The following SWT1 variants were observed in gnomAD, a reference collection of about 807,000 sequenced individuals.
SWT1 encodes SWT1 RNA endoribonuclease homolog.
In SWT1, 33 loss-of-function variants were observed where a neutral mutation model predicts 107.3. That is an observed-to-expected ratio of 0.31 (90% CI 0.23 to 0.41). SWT1 has a LOEUF of 0.41. SWT1 is among the 10% of genes least tolerant of loss of function. The probability of loss-of-function intolerance (pLI) is 1.00; values close to 1 mark genes in which losing one functional copy is unlikely to be tolerated. For missense variants in SWT1, 898 were observed against 1,028.9 expected, an observed-to-expected ratio of 0.87 and a Z score of 1.74; for synonymous variants, 345 against 348.3, an observed-to-expected ratio of 0.99 and a Z score of 0.11.
intron 13 of SWT1, among the ~76,000 whole-genome samples, chr1:185,207,828 G>A (rs1658459415): frequency 1.3e-5 from 2 of 152,186 alleles, no homozygotes; most frequent in South Asian, 4.1e-4. Flanking sequence ...CTGAGCCTGA[G>A]AGGTAGAGGT....
At chr1:185,209,215 G>T (rs1571508361) in intron 13 of SWT1, among the ~76,000 whole-genome samples, 1 of 151,774 alleles carries the variant, frequency 6.6e-6, no homozygotes, top group African/African-American at 2.4e-5. Flanking sequence ...CCTGGCTCCA[G>T]TTTCTTATTT....
At chr1:185,228,424 A>C (rs1159804091) in intron 15 of SWT1, among the ~76,000 whole-genome samples, 1 of 151,834 alleles carries the variant, frequency 6.6e-6, no homozygotes, top group Admixed American at 6.6e-5. Flanking sequence ...CGGGAGGCTG[A>C]GGTGAGAGAA....
intron 16 of SWT1, among the ~76,000 whole-genome samples, chr1:185,261,825 T>G (rs1663038678): frequency 6.6e-6 from 1 of 152,250 alleles, no homozygotes; most frequent in South Asian, 2.1e-4. Flanking sequence ...AGGATTTTTC[T>G]TATGCTTCAA....
rs564329491 is a variant in SWT1, at chr1:185,191,238, CCTT to C, written c.1523+599_1523+601del. 1.4e-4 allele frequency among the ~76,000 whole-genome samples: 22 copies of C among 152,274 alleles called. No homozygotes were observed. The East Asian group carries it at 3.9e-3, about 27-fold the overall frequency. ...TAAGATCTCAGTAAGTTTTCTCCCT[CCTT>C]CTCCCTTCCCCCTGCTTCTTCCCTC... On this transcript the variant is annotated intron_variant, in intron 10 of 18. Coordinates refer to ENST00000367500, the MANE Select transcript of SWT1 (RefSeq NM_017673.7).
chr1:185,274,090 C>T (rs1212743345), intron 17 of SWT1, among the ~76,000 whole-genome samples: 1 of 151,746 alleles, frequency 6.6e-6, no homozygotes, highest in Non-Finnish European at 1.5e-5. Flanking sequence ...TTAGTACTTT[C>T]TATTGCCAAG....
intron 9 of SWT1, among the ~76,000 whole-genome samples, chr1:185,189,537 A>T (rs1411897170): frequency 6.6e-6 from 1 of 152,190 alleles, no homozygotes; most frequent in African/African-American, 2.4e-5. Context: ...TAAGCTGAGA[A>T]AATGTTAAGT....
intron 16 of SWT1, among the ~76,000 whole-genome samples, chr1:185,247,056 T>C (rs1343394291): frequency 6.6e-6 from 1 of 152,232 alleles, no homozygotes; most frequent in Non-Finnish European, 1.5e-5. Flanking sequence ...TGCCTTATTA[T>C]TATTACCTTC....
chr1:185,162,249 C>T (rs966116562), intron 2 of SWT1, among the ~76,000 whole-genome samples: 7 of 152,114 alleles, frequency 4.6e-5, no homozygotes, highest in South Asian at 2.1e-4. Flanking sequence ...TTTTTCTTTC[C>T]GTAACTCCTA....
intron 2 of SWT1, among the ~76,000 whole-genome samples, chr1:185,165,161 A>G (rs1408196323): frequency 6.6e-6 from 1 of 152,184 alleles, no homozygotes; most frequent in East Asian, 1.9e-4. Context: ...CACATGCAAC[A>G]TTTATCAGTG....
chr1:185,219,831 A>G (rs1289013724), intron 14 of SWT1, among the ~76,000 whole-genome samples: 4 of 151,876 alleles, frequency 2.6e-5, no homozygotes, highest in South Asian at 2.1e-4. Flanking sequence ...TCAACTACCA[A>G]ACTTCTTAAA....
chr1:185,205,150 T>G (rs182075196), intron 12 of SWT1, among the ~76,000 whole-genome samples: 26 of 152,264 alleles, frequency 1.7e-4, no homozygotes, highest in African/African-American at 6.0e-4. Context: ...GAAAAAAAAC[T>G]TGTCTATTTA....
chr1:185,274,671 A>G (rs930033736), intron 17 of SWT1, among the ~76,000 whole-genome samples: 1 of 152,212 alleles, frequency 6.6e-6, no homozygotes, highest in African/African-American at 2.4e-5. Flanking sequence ...TGTAAGTAGT[A>G]CAGCTAAAAG....
At chr1:185,182,081 A>G (rs1163939898) in intron 7 of SWT1, 24 bp downstream of exon 7, 12 of 1,581,740 alleles carry the variant, frequency 7.6e-6, no homozygotes, top group Middle Eastern at 1.7e-4. Flanking sequence ...GTTGATGTGT[A>G]TGCTCCCCTA....
At chr1:185,204,572 ATTTG>A (rs1057425901) in intron 11 of SWT1, 124 bp from the exon 12 acceptor site, 42 of 416,582 alleles carry the variant, frequency 1.0e-4, no homozygotes, top group South Asian at 9.5e-4. Flanking sequence ...AAAATAAAAT[ATTTG>A]TTTGTTTTAT....
At chr1:185,183,648 A>G (rs1382415184) in intron 7 of SWT1, among the ~76,000 whole-genome samples, 3 of 152,186 alleles carry the variant, frequency 2.0e-5, no homozygotes, top group Admixed American at 6.5e-5. Flanking sequence ...AAATTAGCTT[A>G]TAATTACTAA....
At chr1:185,226,336 A>C (rs1660050036) in intron 15 of SWT1, among the ~76,000 whole-genome samples, 2 of 152,224 alleles carry the variant, frequency 1.3e-5, no homozygotes, top group Admixed American at 1.3e-4. Context: ...GTTATGTACC[A>C]GACACATTAT....
chr1:185,225,805 G>A (rs115876087), intron 15 of SWT1, among the ~76,000 whole-genome samples: 186 of 152,260 alleles, frequency 1.2e-3, no homozygotes, highest in Non-Finnish European at 1.9e-3. Context: ...TAAGTGACAC[G>A]ACTGTATTAC....
chr1:185,180,148 C>T (rs922604883), intron 5 of SWT1, among the ~76,000 whole-genome samples: 3 of 152,112 alleles, frequency 2.0e-5, no homozygotes, highest in Non-Finnish European at 4.4e-5. Flanking sequence ...TGTGCCATTG[C>T]ACTCCAGTTT....
intron 3 of SWT1, among the ~76,000 whole-genome samples, chr1:185,167,075 T>C (rs893587214): frequency 2.6e-5 from 4 of 152,130 alleles, no homozygotes; most frequent in Admixed American, 2.6e-4. Context: ...GCTCAGCTAA[T>C]TTTTGTATTT....
Sources: gnomAD v4.1 joint callset for allele counts (sites outside exome capture counted in the v4.1 genomes callset) on GRCh38, gnomAD v4.1.1 for gene constraint, MANE v1.5 for transcripts, NCBI Gene and HGNC (gene_info 2026-07-23, HGNC 2026-07-21) for gene names.